ANKFY1: variants seen among roughly 807,000 people sequenced by gnomAD.
ANKFY1 encodes the protein ankyrin repeat and FYVE domain containing 1.
Under a neutral mutation model 128.3 loss-of-function variants are expected in ANKFY1, and 47 were observed. That is an observed-to-expected ratio of 0.37 (90% CI 0.29 to 0.47). The LOEUF is 0.47. ANKFY1 is among the 20% of genes least tolerant of loss of function. The pLI is 1.00. For synonymous variants in ANKFY1, 553 were observed against 601.6 expected, an observed-to-expected ratio of 0.92 and a Z score of 1.18; for missense variants, 1,222 against 1,510.6, an observed-to-expected ratio of 0.81 and a Z score of 3.17.
At chr17:4,248,952 A>G (rs1967698620) in intron 1 of ANKFY1, 2 of 166,760 alleles carry the variant, frequency 1.2e-5, no homozygotes, top group South Asian at 2.0e-4. Context: ...CAGACTTTCA[A>G]TAAGTATTCT....
intron 7 of ANKFY1, among the ~76,000 whole-genome samples, chr17:4,200,793 T>C (rs2059914319): frequency 1.3e-5 from 2 of 152,212 alleles, no homozygotes; most frequent in Non-Finnish European, 2.9e-5. Context: ...CAGACTCCTT[T>C]GAATCACAAC....
At chr17:4,258,702 A>G (rs1968254879) in intron 1 of ANKFY1, among the ~76,000 whole-genome samples, 1 of 152,122 alleles carries the variant, frequency 6.6e-6, no homozygotes, top group African/African-American at 2.4e-5. Flanking sequence ...GCTACTGAGT[A>G]CTTGGAATAG....
At chr17:4,174,783 T>C (rs1169433945) in intron 19 of ANKFY1, among the ~76,000 whole-genome samples, 1 of 152,030 alleles carries the variant, frequency 6.6e-6, no homozygotes, top group Non-Finnish European at 1.5e-5. Flanking sequence ...AGTGCAGTGG[T>C]ACCATCATAG....
intron 20 of ANKFY1, 94 bp downstream of exon 20, chr17:4,173,815 C>G: frequency 6.8e-7 from 1 of 1,475,842 alleles, no homozygotes; most frequent in Non-Finnish European, 9.2e-7. Flanking sequence ...TAAAAGCCAA[C>G]CTCCCCAGTG....
At chr17:4,215,083 G>A (rs1391781613) in intron 4 of ANKFY1, among the ~76,000 whole-genome samples, 1 of 152,074 alleles carries the variant, frequency 6.6e-6, no homozygotes, top group African/African-American at 2.4e-5. Flanking sequence ...GAGGCTAGGA[G>A]TTTGAGACTA....
At chr17:4,229,320 A>T (rs1290220758) in intron 3 of ANKFY1, among the ~76,000 whole-genome samples, 2 of 152,042 alleles carry the variant, frequency 1.3e-5, no homozygotes, top group Non-Finnish European at 2.9e-5. Context: ...GCTACTCAGG[A>T]GGCTGAAGCA....
chr17:4,174,487 G>A (rs905084499), intron 19 of ANKFY1, among the ~76,000 whole-genome samples: 2 of 152,158 alleles, frequency 1.3e-5, no homozygotes, highest in Non-Finnish European at 2.9e-5. Context: ...ATGGAAAGAT[G>A]TTGATGACAA....
intron 11 of ANKFY1, chr17:4,188,111 C>CGAGATGCT (rs1301573064): frequency 6.6e-6 from 1 of 152,320 alleles, no homozygotes; most frequent in Non-Finnish European, 1.5e-5. Context: ...TGAGAGGGCA[C>CGAGATGCT]GAGATGCTGA....
intron 7 of ANKFY1, among the ~76,000 whole-genome samples, chr17:4,202,523 C>T (rs1388760081): frequency 1.3e-5 from 2 of 150,056 alleles, no homozygotes; most frequent in Non-Finnish European, 3.0e-5. Context: ...ACGGTGAAAC[C>T]CCGTCTCTAC....
At chr17:4,179,688 C>CA (rs1567913936) in intron 17 of ANKFY1, 33 bp downstream of exon 17, 7 of 1,608,964 alleles carry the variant, frequency 4.4e-6, no homozygotes, top group South Asian at 1.1e-5. Context: ...GCTGGGGCTA[C>CA]ACCTCTCTCC....
chr17:4,255,340 G>A (rs972711194), intron 1 of ANKFY1, among the ~76,000 whole-genome samples: 1 of 146,240 alleles, frequency 6.8e-6, no homozygotes, highest in Admixed American at 7.0e-5. Context: ...TCTGCCTCCC[G>A]GGTTCAAGCA....
At chr17:4,258,959 A>G (rs979537570) in intron 1 of ANKFY1, among the ~76,000 whole-genome samples, 1 of 152,148 alleles carries the variant, frequency 6.6e-6, no homozygotes, top group Non-Finnish European at 1.5e-5. Context: ...TTCAATTTTT[A>G]CTTTTACTGA....
Position 4,224,982 on chromosome 17 carries a change from T to A in ANKFY1, c.323-7864A>T, listed in dbSNP as rs139857415. ...TAAATAAACTGGTAAATTTTGTGCT[T>A]ATCTTCAAGGCTGGCTTAAGTATAA... On this transcript the variant is annotated intron_variant, in intron 3 of 24. Coordinates refer to ENST00000341657, the MANE Select transcript of ANKFY1 (RefSeq NM_001330063.2). Among the ~76,000 whole-genome samples the A allele has an allele frequency of 6.1e-3, 927 of 151,666 alleles. 6 individuals carry two copies. The highest frequency in any genetic ancestry group is 0.021 in the African/African-American group (858 of 41,304).
At chr17:4,172,739 T>A in intron 21 of ANKFY1, 59 bp from the exon 22 acceptor site, 1 of 1,592,642 alleles carries the variant, frequency 6.3e-7, no homozygotes, top group South Asian at 1.1e-5. Context: ...ACACACAAAA[T>A]AAATAGAATT....
chr17:4,196,843 C>T (rs1031068226), intron 8 of ANKFY1, among the ~76,000 whole-genome samples: 3 of 152,164 alleles, frequency 2.0e-5, no homozygotes, highest in African/African-American at 4.8e-5. Context: ...CTTAAAAGCT[C>T]GAAAACTGGC....
intron 3 of ANKFY1, among the ~76,000 whole-genome samples, chr17:4,227,244 G>C (rs2060441152): frequency 6.6e-6 from 1 of 151,848 alleles, no homozygotes; most frequent in African/African-American, 2.4e-5. Context: ...AGTAAAATCT[G>C]ATAGAGACAT....
chr17:4,210,400 A>C (rs1358579379), intron 4 of ANKFY1, among the ~76,000 whole-genome samples: 1 of 152,184 alleles, frequency 6.6e-6, no homozygotes, highest in Non-Finnish European at 1.5e-5. Context: ...TATGCTCAAT[A>C]ATTAACACCT....
At chr17:4,208,915 C>G (rs1328803467) in intron 5 of ANKFY1, among the ~76,000 whole-genome samples, 1 of 152,074 alleles carries the variant, frequency 6.6e-6, no homozygotes, top group African/African-American at 2.4e-5. Flanking sequence ...CAAAATTAGC[C>G]AGGCGTGGTG....
At chr17:4,258,788 G>A (rs1405345528) in intron 1 of ANKFY1, among the ~76,000 whole-genome samples, 2 of 152,100 alleles carry the variant, frequency 1.3e-5, no homozygotes, top group Non-Finnish European at 1.5e-5. Context: ...TGTGGCTAGT[G>A]ACTATTGTGT....
Sources: gnomAD v4.1 joint callset for allele counts (sites outside exome capture counted in the v4.1 genomes callset) on GRCh38, gnomAD v4.1.1 for gene constraint, MANE v1.5 for transcripts, NCBI Gene and HGNC (gene_info 2026-07-23, HGNC 2026-07-21) for gene names.